Variants in TMEM135 observed in about 807,000 individuals in gnomAD.
TMEM135 encodes the protein transmembrane protein 135.
TMEM135 carries 30 observed loss-of-function variants against 60.3 expected under a neutral mutation model. The ratio of observed to expected loss-of-function variants is 0.50; its 90% confidence interval spans 0.37 to 0.68. The LOEUF (loss-of-function observed/expected upper bound fraction) is 0.68. TMEM135 is among the 30% of genes least tolerant of loss of function. The pLI is 0.00. For missense variants in TMEM135, 468 were observed against 548.8 expected, an observed-to-expected ratio of 0.85 and a Z score of 1.47; for synonymous variants, 190 against 186.7, an observed-to-expected ratio of 1.02 and a Z score of -0.14.
chr11:87,309,793 T>G, intron 10 of TMEM135, 121 bp downstream of exon 10: 1 of 1,084,858 alleles, frequency 9.2e-7, no homozygotes. Context: ...CATACATATC[T>G]TGACATAACC....
intron 5 of TMEM135, among the ~76,000 whole-genome samples, chr11:87,225,057 G>A (rs1039115053): frequency 3.9e-5 from 6 of 151,972 alleles, no homozygotes; most frequent in South Asian, 4.2e-4. Context: ...TATAGGTAAC[G>A]AGCTTCTTAA....
At chr11:87,064,358 C>G (rs528435336) in intron 1 of TMEM135, among the ~76,000 whole-genome samples, 1 of 151,372 alleles carries the variant, frequency 6.6e-6, no homozygotes, top group East Asian at 1.9e-4. Flanking sequence ...TCAAGAGATT[C>G]AGTTAACTCT....
chr11:87,069,896 G>T (rs1199065155), intron 2 of TMEM135, among the ~76,000 whole-genome samples: 1 of 152,092 alleles, frequency 6.6e-6, no homozygotes, highest in African/African-American at 2.4e-5. Context: ...TTCAGGCCAG[G>T]TACGGTGGCT....
At chr11:87,136,220 A>C (rs1938094049) in intron 4 of TMEM135, among the ~76,000 whole-genome samples, 1 of 152,056 alleles carries the variant, frequency 6.6e-6, no homozygotes, top group South Asian at 2.1e-4. Context: ...AGAGTTAAAA[A>C]AATTTTTGGA....
At position 87,250,970 on chromosome 11, in the gene TMEM135, G is replaced by T. The variant is rs909181965; in HGVS notation, c.509+14286G>T. 3.9e-5 allele frequency among the ~76,000 whole-genome samples: 6 copies of T among 152,140 alleles called. No homozygotes were observed. In the East Asian group the frequency reaches 1.2e-3, roughly 29 times the overall value. On this transcript the variant is annotated intron_variant, in intron 6 of 14. Coordinates refer to ENST00000305494, the MANE Select transcript of TMEM135 (RefSeq NM_022918.4). ...GACCAAAACTTATGGCAATGATACG[G>T]TGGAGAGTAGGTTTATCTGAGATAT...
At chr11:87,064,492 C>G (rs1856609257) in intron 1 of TMEM135, among the ~76,000 whole-genome samples, 1 of 152,138 alleles carries the variant, frequency 6.6e-6, no homozygotes, top group East Asian at 1.9e-4. Context: ...CCTAATGTTG[C>G]CTTTTATAGC....
chr11:87,162,433 C>T (rs920164686), intron 5 of TMEM135, among the ~76,000 whole-genome samples: 6 of 152,100 alleles, frequency 3.9e-5, no homozygotes, highest in South Asian at 2.1e-4. Flanking sequence ...CATGTGTTCT[C>T]ATTGTTCAAC....
At chr11:87,249,080 A>G (rs753460633) in intron 6 of TMEM135, among the ~76,000 whole-genome samples, 1 of 152,100 alleles carries the variant, frequency 6.6e-6, no homozygotes, top group Non-Finnish European at 1.5e-5. Context: ...TTTGAATTTC[A>G]TTTCTGTCTC....
At chr11:87,072,417 G>A (rs1425964912) in intron 3 of TMEM135, among the ~76,000 whole-genome samples, 2 of 152,042 alleles carry the variant, frequency 1.3e-5, no homozygotes, top group East Asian at 3.9e-4. Flanking sequence ...GTCTTGCTCT[G>A]TTGCGCAGGC....
chr11:87,124,913 A>G (rs1286037636), intron 4 of TMEM135, among the ~76,000 whole-genome samples: 1 of 152,150 alleles, frequency 6.6e-6, no homozygotes, highest in Non-Finnish European at 1.5e-5. Flanking sequence ...TTAATGCTTG[A>G]AACAGAAAAT....
chr11:87,323,560 G>A lies in TMEM135; in HGVS notation c.*2227G>A, dbSNP rs1942863503. 1 of 453,130 alleles carries A rather than the reference G, an allele frequency of 2.2e-6. No homozygotes were observed. The highest frequency in any genetic ancestry group is 1.6e-5 in the South Asian group (1 of 64,122). The allele number at this position is 453,130 out of a possible 1,614,324, so 28.1% of individuals were successfully genotyped here. A position where few individuals can be genotyped will look rare whatever the true frequency, so the allele number is the denominator to read the frequency against. On this transcript the variant is annotated 3_prime_UTR_variant, in exon 15 of 15. Transcript: ENST00000305494. ...TTTTTTAGTTTATTTATATCCTGAA[G>A]AAATGGTAAGTTTTCACTGGAACTG... is the stretch of plus-strand genomic sequence containing the variant.
chr11:87,311,140 CT>C (rs1942635792), intron 10 of TMEM135, among the ~76,000 whole-genome samples: 1 of 151,016 alleles, frequency 6.6e-6, no homozygotes, highest in Non-Finnish European at 1.5e-5. Flanking sequence ...CATATACACA[CT>C]TTTTGTTGTT....
At chr11:87,065,466 C>T (rs750660983) in intron 1 of TMEM135, among the ~76,000 whole-genome samples, 8 of 152,142 alleles carry the variant, frequency 5.3e-5, no homozygotes, top group Non-Finnish European at 8.8e-5. Context: ...TGTTTATCCT[C>T]TTCTGTGAAA....
intron 1 of TMEM135, among the ~76,000 whole-genome samples, chr11:87,040,020 A>T (rs2135100532): frequency 6.6e-6 from 1 of 152,312 alleles, no homozygotes; most frequent in African/African-American, 2.4e-5. Context: ...TTAAGTACTT[A>T]TTGAGGATAA....
At chr11:87,248,123 CA>C (rs1565501864) in intron 6 of TMEM135, among the ~76,000 whole-genome samples, 2 of 151,942 alleles carry the variant, frequency 1.3e-5, no homozygotes, top group African/African-American at 4.8e-5. Context: ...ATATTGCTTG[CA>C]AATCTTGGCT....
At chr11:87,105,392 T>C (rs1030003565) in intron 4 of TMEM135, among the ~76,000 whole-genome samples, 1 of 152,184 alleles carries the variant, frequency 6.6e-6, no homozygotes, top group African/African-American at 2.4e-5. Flanking sequence ...TGCATGCTTC[T>C]TATGATGATC....
rs185204988 is a variant in TMEM135, at chr11:87,105,034, T to G, written c.396+13639T>G. Among the ~76,000 whole-genome samples, 5 of 152,350 alleles carry G rather than the reference T, an allele frequency of 3.3e-5. No individual in the cohort carries two copies. In the East Asian group the frequency reaches 7.7e-4, roughly 24 times the overall value. On this transcript the variant is annotated intron_variant, in intron 4 of 14. Transcript: ENST00000305494. ...CTGCTTTCAACTTTTCACTGTTGAGTATGATGTTAGCCGTGGGCTTGTCAT... is the reference window on the plus strand; with the variant it reads ...CTGCTTTCAACTTTTCACTGTTGAGGATGATGTTAGCCGTGGGCTTGTCAT...
chr11:87,111,666 A>AAACAG (rs1555105257), intron 4 of TMEM135, among the ~76,000 whole-genome samples: 4 of 130,954 alleles, frequency 3.1e-5, no homozygotes, highest in African/African-American at 1.2e-4. Context: ...AAAAAAAAAA[A>AAACAG]AAAAAGAAAA....
At chr11:87,318,873 T>C (rs1431483106) in intron 13 of TMEM135, among the ~76,000 whole-genome samples, 37 of 148,422 alleles carry the variant, frequency 2.5e-4, no homozygotes, top group African/African-American at 9.0e-4. Flanking sequence ...CTTTTTTTTT[T>C]CTTTTTTTTT....
Sources: allele counts gnomAD v4.1 joint callset (sites outside exome capture counted in the v4.1 genomes callset), GRCh38; gene constraint gnomAD v4.1.1; transcripts MANE v1.5; gene names NCBI Gene and HGNC (gene_info 2026-07-23, HGNC 2026-07-21).